Variants in ROBO2 observed in about 807,000 individuals in gnomAD.
ROBO2 encodes the protein roundabout homolog 2.
Under a neutral mutation model 160.8 loss-of-function variants are expected in ROBO2, and 53 were observed. The observed-to-expected ratio is 0.33, with a 90% CI of 0.26 to 0.41. ROBO2 has a LOEUF of 0.41. ROBO2 is among the 10% of genes least tolerant of loss of function. ROBO2 has a pLI of 1.00. For synonymous variants in ROBO2, 664 were observed against 611.7 expected, an observed-to-expected ratio of 1.09 and a Z score of -1.26; for missense variants, 1,577 against 1,722.4, an observed-to-expected ratio of 0.92 and a Z score of 1.49.
intron 2 of ROBO2, among the ~76,000 whole-genome samples, chr3:76,104,786 ATTAGGAAAC>A (rs959997185): frequency 1.3e-5 from 2 of 152,162 alleles, no homozygotes; most frequent in Non-Finnish European, 2.9e-5. Context: ...ATGTCTACTG[ATTAGGAAAC>A]TTAGGAAGTG....
At chr3:77,462,666 C>T (rs1041649208) in intron 2 of ROBO2, among the ~76,000 whole-genome samples, 2 of 152,110 alleles carry the variant, frequency 1.3e-5, no homozygotes, top group Non-Finnish European at 2.9e-5. Flanking sequence ...CATTGGTAAA[C>T]ATACGTATTA....
chr3:77,116,458 G>A (rs994257714), intron 2 of ROBO2, among the ~76,000 whole-genome samples: 1 of 152,142 alleles, frequency 6.6e-6, no homozygotes, highest in African/African-American at 2.4e-5. Context: ...CTTTTTGCAA[G>A]CCACCATTGT....
At chr3:76,087,884 T>C (rs1190545635) in intron 2 of ROBO2, among the ~76,000 whole-genome samples, 1 of 152,044 alleles carries the variant, frequency 6.6e-6, no homozygotes, top group Non-Finnish European at 1.5e-5. Flanking sequence ...CAATCAATTT[T>C]AATTCTAATT....
rs2072021778 is a variant in ROBO2, at chr3:76,148,728, T to G, written c.109+211126T>G. Among the ~76,000 whole-genome samples, 4 of 152,150 alleles carry G rather than the reference T, an allele frequency of 2.6e-5. No individual in the cohort carries two copies. In the South Asian group the frequency reaches 8.3e-4, roughly 32 times the overall value. On this transcript the variant is annotated intron_variant, in intron 2 of 26. Transcript: ENST00000487694. ...TCTTCCCTTCTTATGAATTCATCCT[T>G]CCCTTGAATCATAAGACACTTCATT...
At chr3:77,333,831 T>C (rs1267763850) in intron 2 of ROBO2, among the ~76,000 whole-genome samples, 1 of 152,126 alleles carries the variant, frequency 6.6e-6, no homozygotes, top group African/African-American at 2.4e-5. Context: ...AGGAAGAAAA[T>C]GTATACTTTG....
intron 2 of ROBO2, among the ~76,000 whole-genome samples, chr3:76,207,696 A>C (rs1479538816): frequency 6.6e-6 from 1 of 152,220 alleles, no homozygotes; most frequent in African/African-American, 2.4e-5. Context: ...AATGGATTAA[A>C]TATGAATTTG....
chr3:76,948,900 A>ATTTTTTTTTTTTTT (rs2078761417), intron 2 of ROBO2, among the ~76,000 whole-genome samples: 1 of 41,918 alleles, frequency 2.4e-5, no homozygotes, highest in African/African-American at 1.3e-4. Flanking sequence ...ATATATATAT[A>ATTTTTTTTTTTTTT]TATATATATT....
intron 2 of ROBO2, among the ~76,000 whole-genome samples, chr3:77,154,704 CAT>C (rs2077835743): frequency 6.6e-6 from 1 of 152,024 alleles, no homozygotes; most frequent in South Asian, 2.1e-4. Context: ...TAAAGAAAAT[CAT>C]ATCTTCTGCA....
At chr3:76,077,325 G>T (rs1427184863) in intron 2 of ROBO2, among the ~76,000 whole-genome samples, 1 of 152,134 alleles carries the variant, frequency 6.6e-6, no homozygotes, top group Non-Finnish European at 1.5e-5. Context: ...CACTTTTAGA[G>T]GCCGAGGTGG....
intron 2 of ROBO2, among the ~76,000 whole-genome samples, chr3:76,125,811 A>G (rs1462539673): frequency 3.3e-5 from 5 of 152,046 alleles, no homozygotes; most frequent in African/African-American, 7.2e-5. Flanking sequence ...TAGAGCATCA[A>G]AATAATTTTA....
intron 2 of ROBO2, among the ~76,000 whole-genome samples, chr3:76,498,069 A>C (rs1026022311): frequency 6.6e-6 from 1 of 152,210 alleles, no homozygotes; most frequent in Admixed American, 6.5e-5. Context: ...GATAGGTTTC[A>C]AGAAGAAAAA....
chr3:77,049,604 G>A (rs1423027910), intron 1 of ROBO2, among the ~76,000 whole-genome samples: 1 of 152,140 alleles, frequency 6.6e-6, no homozygotes, highest in Non-Finnish European at 1.5e-5. Flanking sequence ...AATAGTCTTA[G>A]GTCAATGTGC....
intron 2 of ROBO2, among the ~76,000 whole-genome samples, chr3:76,636,412 T>TC (rs1325481444): frequency 3.9e-5 from 6 of 152,220 alleles, no homozygotes; most frequent in African/African-American, 1.2e-4. Context: ...TGTCATGGGT[T>TC]CCCCAAGCCC....
intron 2 of ROBO2, among the ~76,000 whole-genome samples, chr3:76,003,423 G>T (rs549938335): frequency 6.6e-6 from 1 of 152,256 alleles, no homozygotes; most frequent in South Asian, 2.1e-4. Flanking sequence ...TAAAAAATCA[G>T]ATTTTGCTAT....
intron 2 of ROBO2, among the ~76,000 whole-genome samples, chr3:76,328,851 T>C (rs892712196): frequency 2.0e-5 from 3 of 150,282 alleles, no homozygotes; most frequent in African/African-American, 4.9e-5. Context: ...AGAGCGAGAC[T>C]CCGTCTCAAA....
chr3:75,982,534 C>A (rs2107457372), intron 2 of ROBO2, among the ~76,000 whole-genome samples: 1 of 151,632 alleles, frequency 6.6e-6, no homozygotes, highest in South Asian at 2.1e-4. Flanking sequence ...TGATGTTGAA[C>A]ATCTTTTCAT....
intron 2 of ROBO2, among the ~76,000 whole-genome samples, chr3:77,208,464 T>G (rs1485373207): frequency 1.3e-5 from 2 of 152,178 alleles, no homozygotes; most frequent in East Asian, 3.9e-4. Flanking sequence ...GCCGGCATGG[T>G]CAATAGCATG....
In ROBO2 at chr3:75,972,983, C is replaced by G. The variant is rs185630077; in HGVS notation, c.109+35381C>G. 4.6e-5 allele frequency among the ~76,000 whole-genome samples: 7 copies of G among 151,468 alleles called. No individual in the cohort carries two copies. The South Asian group carries it at 1.5e-3, about 31-fold the overall frequency. ...ACAACTTTGTATCTAAACCATAATC[C>G]GTGAAAAAATCTATTTTCAGTCTTC... On this transcript the variant is annotated intron_variant, in intron 2 of 26. Transcript: ENST00000487694.
chr3:76,905,854 C>G (rs914176346), intron 2 of ROBO2, among the ~76,000 whole-genome samples: 6 of 152,116 alleles, frequency 3.9e-5, no homozygotes, highest in Non-Finnish European at 8.8e-5. Context: ...AAATATTTGT[C>G]AGAATCAGTA....
Sources: allele counts gnomAD v4.1 joint callset (sites outside exome capture counted in the v4.1 genomes callset), GRCh38; gene constraint gnomAD v4.1.1; transcripts MANE v1.5; gene names NCBI Gene and HGNC (gene_info 2026-07-23, HGNC 2026-07-21).